The following MSRB3 variants were observed in gnomAD, a reference collection of about 807,000 sequenced individuals.
MSRB3 encodes methionine-R-sulfoxide reductase B3.
A neutral mutation model predicts 21.0 loss-of-function variants in MSRB3; 13 were observed. That is an observed-to-expected ratio of 0.62 (90% CI 0.40 to 0.98). The LOEUF is 0.98. MSRB3 is among the 50% of genes least tolerant of loss of function. The pLI is 0.00. For synonymous variants in MSRB3, 87 were observed against 88.6 expected, an observed-to-expected ratio of 0.98 and a Z score of 0.10; for missense variants, 199 against 230.3, an observed-to-expected ratio of 0.86 and a Z score of 0.88.
intron 4 of MSRB3, among the ~76,000 whole-genome samples, chr12:65,353,722 T>TA (rs1327706776): frequency 2.6e-5 from 4 of 152,240 alleles, no homozygotes; most frequent in African/African-American, 9.6e-5. Flanking sequence ...TTAGCCCATT[T>TA]ACATTTAAAG....
intron 2 of MSRB3, among the ~76,000 whole-genome samples, chr12:65,311,148 A>G (rs1873961803): frequency 6.6e-6 from 1 of 152,164 alleles, no homozygotes; most frequent in Non-Finnish European, 1.5e-5. Flanking sequence ...TTTGAGGAAT[A>G]ACCATCTTGA....
chr12:65,443,439 A>C (rs1174610237), intron 5 of MSRB3, among the ~76,000 whole-genome samples: 2 of 152,176 alleles, frequency 1.3e-5, no homozygotes, highest in East Asian at 3.8e-4. Context: ...TTGTAAAAAA[A>C]ATGTCTAAAG....
chr12:65,419,439 GAC>G, intron 5 of MSRB3: 2 of 748,952 alleles, frequency 2.7e-6, no homozygotes, highest in Non-Finnish European at 4.9e-6. Flanking sequence ...GCAGCTGAGT[GAC>G]ACTGGTGTCA....
chr12:65,329,365 A>C (rs1446879758), intron 4 of MSRB3, among the ~76,000 whole-genome samples: 2 of 152,150 alleles, frequency 1.3e-5, no homozygotes, highest in African/African-American at 2.4e-5. Context: ...AGTAAATGTC[A>C]TTGGCTGGGT....
At chr12:65,457,205 G>A (rs760509778) in intron 6 of MSRB3, among the ~76,000 whole-genome samples, 5 of 151,816 alleles carry the variant, frequency 3.3e-5, no homozygotes, top group South Asian at 4.2e-4. Context: ...AACTTCTCCC[G>A]TTTATTTTAT....
intron 2 of MSRB3, among the ~76,000 whole-genome samples, chr12:65,318,965 G>A (rs1422483966): frequency 6.6e-6 from 1 of 152,116 alleles, no homozygotes; most frequent in African/African-American, 2.4e-5. Flanking sequence ...TCATTCGGGT[G>A]AATTATTAAT....
At chr12:65,426,339 G>T (rs1211633761) in intron 5 of MSRB3, among the ~76,000 whole-genome samples, 2 of 152,022 alleles carry the variant, frequency 1.3e-5, no homozygotes, top group African/African-American at 4.8e-5. Flanking sequence ...TTGGTTGGCA[G>T]TCCCGTCCTC....
At chr12:65,349,373 G>A (rs1216542494) in intron 4 of MSRB3, among the ~76,000 whole-genome samples, 2 of 151,804 alleles carry the variant, frequency 1.3e-5, no homozygotes, top group Non-Finnish European at 2.9e-5. Flanking sequence ...AAACATACGT[G>A]TGCATGTGTC....
intron 1 of MSRB3, among the ~76,000 whole-genome samples, chr12:65,295,257 A>G (rs796668160): frequency 1.6e-4 from 25 of 152,332 alleles, no homozygotes; most frequent in African/African-American, 5.5e-4. Flanking sequence ...ATGCAGTAGC[A>G]TTTGACTCTT....
chr12:65,361,500 G>T (rs1877703200), intron 4 of MSRB3, among the ~76,000 whole-genome samples: 2 of 152,222 alleles, frequency 1.3e-5, no homozygotes, highest in East Asian at 1.9e-4. Context: ...AGGTCAATTT[G>T]TGGAAAAATG....
At chr12:65,455,495 C>A (rs1883047317) in intron 6 of MSRB3, among the ~76,000 whole-genome samples, 1 of 152,100 alleles carries the variant, frequency 6.6e-6, no homozygotes. Flanking sequence ...TAGTGCTCAC[C>A]ATAACCTTCT....
intron 1 of MSRB3, among the ~76,000 whole-genome samples, chr12:65,283,113 T>G (rs568864010): frequency 6.6e-6 from 1 of 152,328 alleles, no homozygotes. Flanking sequence ...CAGTAATAGC[T>G]TAGGGACTGA....
At chr12:65,403,919 C>T (rs1046131242) in intron 5 of MSRB3, among the ~76,000 whole-genome samples, 2 of 152,200 alleles carry the variant, frequency 1.3e-5, no homozygotes, top group African/African-American at 2.4e-5. Flanking sequence ...TTCGGCTCCC[C>T]CTCCATGGGC....
At chr12:65,379,453 A>C (rs1040611113) in intron 5 of MSRB3, among the ~76,000 whole-genome samples, 4 of 152,206 alleles carry the variant, frequency 2.6e-5, no homozygotes, top group Non-Finnish European at 5.9e-5. Context: ...TAACGTGTAG[A>C]ACAAGGTCAG....
intron 1 of MSRB3, among the ~76,000 whole-genome samples, chr12:65,282,540 AG>A (rs1872092809): frequency 6.6e-6 from 1 of 152,214 alleles, no homozygotes; most frequent in South Asian, 2.1e-4. Flanking sequence ...TTTAGCAAAA[AG>A]GAAGAAAGGA....
At chr12:65,429,811 C>A (rs74099836) in intron 5 of MSRB3, among the ~76,000 whole-genome samples, 1 of 152,274 alleles carries the variant, frequency 6.6e-6, no homozygotes, top group African/African-American at 2.4e-5. Flanking sequence ...TGCAGAGGAA[C>A]TGGATATGCA....
At chr12:65,336,936 C>A (rs1227164285) in intron 4 of MSRB3, among the ~76,000 whole-genome samples, 1 of 152,164 alleles carries the variant, frequency 6.6e-6, no homozygotes, top group African/African-American at 2.4e-5. Flanking sequence ...CAGTTGGAAA[C>A]ATCGTGTCTT....
intron 2 of MSRB3, among the ~76,000 whole-genome samples, chr12:65,324,036 T>A (rs1352042067): frequency 6.6e-6 from 1 of 152,172 alleles, no homozygotes; most frequent in South Asian, 2.1e-4. Context: ...GAATATAGTA[T>A]AACCAAAGAA....
intron 4 of MSRB3, among the ~76,000 whole-genome samples, chr12:65,348,846 C>G (rs1427895806): frequency 6.6e-6 from 1 of 152,070 alleles, no homozygotes; most frequent in Non-Finnish European, 1.5e-5. Context: ...CGTTATGTAC[C>G]CAGTAGTCAT....
Sources: allele counts gnomAD v4.1 joint callset (sites outside exome capture counted in the v4.1 genomes callset), GRCh38; gene constraint gnomAD v4.1.1; transcripts MANE v1.5; gene names NCBI Gene and HGNC (gene_info 2026-07-23, HGNC 2026-07-21).